The following KIDINS220 variants were observed in gnomAD, a reference collection of about 807,000 sequenced individuals.
The protein encoded by KIDINS220 is kinase D-interacting substrate of 220 kDa.
In KIDINS220, 63 loss-of-function variants were observed where a neutral mutation model predicts 157.6. The ratio of observed to expected loss-of-function variants is 0.40; its 90% confidence interval spans 0.33 to 0.49. The LOEUF (loss-of-function observed/expected upper bound fraction) is 0.49, where lower values mean the gene tolerates loss of function less well. Ranked by LOEUF, KIDINS220 falls within the 20% of genes least tolerant of loss-of-function variation. The pLI, the probability that KIDINS220 is intolerant of heterozygous loss-of-function variation, is 0.66. For synonymous variants in KIDINS220, 732 were observed against 783.6 expected (o/e 0.93, Z 1.10); for missense variants, 1,772 against 2,171.2 (o/e 0.82, Z 3.65).
intron 4 of KIDINS220, among the ~76,000 whole-genome samples, chr2:8,814,557 T>G (rs1676782375): frequency 6.6e-6 from 1 of 152,154 alleles, no homozygotes; most frequent in Admixed American, 6.5e-5. Flanking sequence ...GAATTCTAAC[T>G]AATTAATGTA....
intron 6 of KIDINS220, among the ~76,000 whole-genome samples, chr2:8,808,896 C>A (rs1238197179): frequency 6.6e-6 from 1 of 152,192 alleles, no homozygotes; most frequent in African/African-American, 2.4e-5. Flanking sequence ...TAATTTATAA[C>A]CCCTTACCAA....
At chr2:8,790,214 T>C (rs182776857) in intron 13 of KIDINS220, among the ~76,000 whole-genome samples, 155 bp from the exon 14 acceptor site, 17 of 152,196 alleles carry the variant, frequency 1.1e-4, no homozygotes, top group African/African-American at 3.9e-4. Context: ...TTTTACCCAG[T>C]GTTCTCTTGC....
At chr2:8,805,296 T>C (rs112736336) in intron 7 of KIDINS220, among the ~76,000 whole-genome samples, 4 of 152,110 alleles carry the variant, frequency 2.6e-5, no homozygotes, top group Admixed American at 6.5e-5. Flanking sequence ...TATTAAATCA[T>C]TGGTCAATGA....
chr2:8,776,809 G>T lies in KIDINS220; in HGVS notation c.2787C>A (p.Asp929Glu). 1 of 1,614,036 alleles carries T rather than the reference G, an allele frequency of 6.2e-7. No homozygotes were observed. Among genetic ancestry groups the T allele is most frequent in the Middle Eastern group, 1.7e-4 (1 of 6,058 alleles). ...TCTGGGGACTGATGTCACTGAACCA[G>T]TCCTCGGTAACCAGCAGTTTTGTAA... is the stretch of plus-strand genomic sequence containing the variant. ...FDLTKLLVTE[D>E]WFSDISPQTM... Residue 929 changes from aspartate to glutamate, a missense_variant, in exon 21 of 30, where the codon GAC becomes GAA. Physicochemically the swap from Asp to Glu is conservative, Grantham distance 45. This residue lies in a region of KIDINS220 where 725 missense variants were observed against 1,017.1 expected (regional missense o/e 0.71). Coordinates refer to ENST00000256707, the MANE Select transcript of KIDINS220 (RefSeq NM_020738.4).
chr2:8,815,806 T>A (rs1677009424), intron 4 of KIDINS220, among the ~76,000 whole-genome samples: 1 of 152,254 alleles, frequency 6.6e-6, no homozygotes, highest in Non-Finnish European at 1.5e-5. Context: ...GCTTTATATT[T>A]CATGAACTCT....
chr2:8,767,746 T>C (rs1669666527), intron 22 of KIDINS220, among the ~76,000 whole-genome samples: 2 of 152,152 alleles, frequency 1.3e-5, no homozygotes, highest in South Asian at 4.1e-4. Context: ...TCAGGAGAGG[T>C]TATCATAAAA....
intron 24 of KIDINS220, chr2:8,749,278 T>C (rs993988063): frequency 8.3e-6 from 3 of 362,244 alleles, no homozygotes; most frequent in African/African-American, 4.3e-5. Context: ...ACACAGGCAG[T>C]TTAGGCACTA....
intron 26 of KIDINS220, among the ~76,000 whole-genome samples, chr2:8,742,476 T>C (rs1665764316): frequency 6.6e-6 from 1 of 152,174 alleles, no homozygotes; most frequent in Admixed American, 6.5e-5. Flanking sequence ...TTTTAATATC[T>C]TCATTCAATA....
chr2:8,775,933 A>T (rs1304444504), intron 21 of KIDINS220, among the ~76,000 whole-genome samples: 1 of 152,176 alleles, frequency 6.6e-6, no homozygotes, highest in Non-Finnish European at 1.5e-5. Context: ...GCTTATCTCC[A>T]CAATGCCCAG....
In KIDINS220 at chr2:8,729,576, A is replaced by G; in HGVS notation, c.*1144T>C. 1 of 976,246 alleles carries G rather than the reference A, an allele frequency of 1.0e-6. No homozygotes were observed. Among genetic ancestry groups the G allele is most frequent in the Non-Finnish European group, 1.2e-6 (1 of 821,714 alleles). The allele number at this position is 976,246 out of a possible 1,614,324, so 60.5% of individuals were successfully genotyped here. A position where few individuals can be genotyped will look rare whatever the true frequency, so the allele number is the denominator to read the frequency against. On this transcript the variant is annotated 3_prime_UTR_variant, in exon 30 of 30. Coordinates refer to ENST00000256707, the MANE Select transcript of KIDINS220 (RefSeq NM_020738.4). The stretch of plus-strand genomic sequence containing the variant: ...GAAAGTACACTTTTACAGTCACAGC[A>G]CTTATATAGATATATATATATATTT...
chr2:8,792,539 T>C (rs938801865), intron 12 of KIDINS220, among the ~76,000 whole-genome samples: 11 of 152,212 alleles, frequency 7.2e-5, no homozygotes, highest in African/African-American at 2.4e-4. Context: ...TATTACAAGA[T>C]CTCAATTTCA....
chr2:8,796,642 C>T, intron 11 of KIDINS220, 129 bp downstream of exon 11: 1 of 759,460 alleles, frequency 1.3e-6, no homozygotes, highest in East Asian at 2.5e-5. Flanking sequence ...CCAAAGCCCA[C>T]ACAGACATCC....
At chr2:8,809,867 A>G (rs1676038120) in intron 6 of KIDINS220, among the ~76,000 whole-genome samples, 1 of 152,018 alleles carries the variant, frequency 6.6e-6, no homozygotes, top group African/African-American at 2.4e-5. Context: ...ACCACCTACT[A>G]CACTACTTAA....
At chr2:8,740,151 C>A in intron 26 of KIDINS220, 2 of 982,150 alleles carry the variant, frequency 2.0e-6, no homozygotes, top group South Asian at 9.4e-5. Context: ...AGTTTCTGTA[C>A]CTGTCTCTGT....
intron 17 of KIDINS220, among the ~76,000 whole-genome samples, chr2:8,783,854 G>T (rs1452911821): frequency 6.6e-6 from 1 of 152,122 alleles, no homozygotes; most frequent in African/African-American, 2.4e-5. Context: ...TGGGTAGGAA[G>T]ACTCAATACT....
intron 1 of KIDINS220, among the ~76,000 whole-genome samples, chr2:8,827,466 T>C (rs1678975443): frequency 1.3e-5 from 2 of 152,164 alleles, no homozygotes; most frequent in Admixed American, 6.5e-5. Context: ...GCCAAAAGCA[T>C]TGAAATTGTT....
chr2:8,747,238 G>C, intron 25 of KIDINS220, 37 bp from the exon 26 acceptor site: 1 of 1,590,270 alleles, frequency 6.3e-7, no homozygotes, highest in East Asian at 2.2e-5. Context: ...GGTGAAAAGG[G>C]GAAGGGGGGA....
At chr2:8,753,489 T>C (rs374814472) in intron 22 of KIDINS220, among the ~76,000 whole-genome samples, 2 of 152,204 alleles carry the variant, frequency 1.3e-5, no homozygotes, top group African/African-American at 4.8e-5. Context: ...GTAATGACTT[T>C]GTGGGTATAT....
intron 21 of KIDINS220, among the ~76,000 whole-genome samples, chr2:8,775,522 A>C (rs1670847772): frequency 6.6e-6 from 1 of 152,222 alleles, no homozygotes; most frequent in South Asian, 2.1e-4. Flanking sequence ...ACACTGTCAA[A>C]CACCACTAAT....
Sources: allele counts gnomAD v4.1 joint callset (sites outside exome capture counted in the v4.1 genomes callset), GRCh38; gene constraint gnomAD v4.1.1; regional missense constraint gnomAD v4.1.1; transcripts MANE v1.5; gene names NCBI Gene and HGNC (gene_info 2026-07-23, HGNC 2026-07-21).